The following RP1 variants were observed in gnomAD, a reference collection of about 807,000 sequenced individuals.
RP1 encodes oxygen-regulated protein 1.
In RP1, 16 loss-of-function variants were observed where a neutral mutation model predicts 14.8. That is an observed-to-expected ratio of 1.08 (90% CI 0.73 to 1.65). The LOEUF is 1.65. Among genes scored for constraint, RP1 ranks in the 40% most tolerant of loss-of-function variants. The pLI is 0.00. For synonymous variants in RP1, 876 were observed against 883.6 expected, an observed-to-expected ratio of 0.99 and a Z score of 0.15; for missense variants, 2,631 against 2,535.0, an observed-to-expected ratio of 1.04 and a Z score of -0.81.
chr8:54,726,658 A>C (rs905783087), intron 17 of RP1, among the ~76,000 whole-genome samples: 8 of 152,092 alleles, frequency 5.3e-5, no homozygotes, highest in Non-Finnish European at 2.9e-5. Context: ...AAGAATACAT[A>C]TATTTTTAAA....
At chr8:54,612,868 A>G (rs1805628778), upstream of RP1, among the ~76,000 whole-genome samples, 1 of 152,130 alleles carries the variant, frequency 6.6e-6, no homozygotes. Context: ...TCCCCTGACT[A>G]CTTTTAGATT....
intron 7 of RP1, among the ~76,000 whole-genome samples, chr8:54,664,948 C>T (rs1178335627): frequency 6.6e-6 from 1 of 152,044 alleles, no homozygotes; most frequent in African/African-American, 2.4e-5. Context: ...ACACAATATA[C>T]CCGGTTAACA....
rs976078408 is a variant in RP1 at position 54,663,819 on chromosome 8, C to T, written c.1292C>T (p.Ser431Leu). 2.7e-5 allele frequency: 41 copies of T among 1,527,962 alleles called. 1 individual carries two copies. Among genetic ancestry groups the T allele is most frequent in the Middle Eastern group, 1.7e-4 (1 of 5,974 alleles). The allele number at this position is 1,527,962 out of a possible 1,614,324, so 94.7% of individuals were successfully genotyped here. The change falls in exon 7 of 23, where the codon TCG (serine) becomes TTG (leucine). Residue 431 changes from serine (S) to leucine (L), a missense_variant. Transcript: ENST00000636932. ...ACAGGATCCAGACAACTATTTAGATCGAAGAGCTCCTTCAATTTTTTAAGA... is the reference window on the plus strand; with the variant it reads ...ACAGGATCCAGACAACTATTTAGATTGAAGAGCTCCTTCAATTTTTTAAGA...
At chr8:54,778,966 C>G (rs1463670240) in intron 23 of RP1, among the ~76,000 whole-genome samples, 1 of 152,142 alleles carries the variant, frequency 6.6e-6, no homozygotes, top group South Asian at 2.1e-4. Flanking sequence ...TCCGACCTCT[C>G]CTCACCACCT....
intron 12 of RP1, among the ~76,000 whole-genome samples, chr8:54,688,483 T>A (rs1456439343): frequency 1.3e-5 from 2 of 152,170 alleles, no homozygotes; most frequent in Admixed American, 6.6e-5. Flanking sequence ...TCGAATTAAT[T>A]TTTGTATAAG....
At chr8:54,686,464 A>G (rs1367816074) in intron 12 of RP1, among the ~76,000 whole-genome samples, 2 of 151,142 alleles carry the variant, frequency 1.3e-5, no homozygotes, top group East Asian at 1.9e-4. Flanking sequence ...TTTTTTCCAT[A>G]CTTAGAGAGT....
intron 19 of RP1, among the ~76,000 whole-genome samples, chr8:54,749,613 C>G (rs772161879): frequency 2.6e-5 from 4 of 152,036 alleles, no homozygotes; most frequent in Non-Finnish European, 5.9e-5. Context: ...AAAGATAAAG[C>G]CTTCAAGAGG....
chr8:54,637,158 C>T (rs932913561), intron 3 of RP1, among the ~76,000 whole-genome samples: 17 of 152,166 alleles, frequency 1.1e-4, no homozygotes, highest in Admixed American at 5.2e-4. Context: ...AACTTGTGGA[C>T]CTCATCTGGA....
At position 54,865,908 on chromosome 8, in the gene RP1, ATGCAACAGGTATGCTCTTAATGCATTATT is replaced by A; in HGVS notation, c.4144_4151+21del. The stretch of plus-strand genomic sequence containing the variant: ...ACAGCAGTGAAGAGGTGCTGTTTCT[ATGCAACAGGTATGCTCTTAATGCATTATT>A]ATGCAAAATTATGCTCTCTTTGTCC... On this transcript the variant is annotated splice_donor_variant and splice_donor_5th_base_variant and coding_sequence_variant and intron_variant, in exon 28 of 29. Coordinates refer to the RP1 transcript ENST00000637698. LOFTEE classifies it high-confidence loss of function. 1 of 1,221,884 alleles carries A rather than the reference ATGCAACAGGTATGCTCTTAATGCATTATT, an allele frequency of 8.2e-7. No homozygotes were observed. The allele number at this position is 1,221,884 out of a possible 1,614,324, so 75.7% of individuals were successfully genotyped here. A position where few individuals can be genotyped will look rare whatever the true frequency, so the allele number is the denominator to read the frequency against.
chr8:54,572,533 C>CCTT (rs1262731717), intron 1 of RP1, among the ~76,000 whole-genome samples: 3 of 152,220 alleles, frequency 2.0e-5, no homozygotes, highest in Non-Finnish European at 4.4e-5. Flanking sequence ...TCGACTGGAA[C>CCTT]CTTCCTTGGA....
intron 25 of RP1, among the ~76,000 whole-genome samples, chr8:54,850,921 A>T (rs1408996823): frequency 6.6e-6 from 1 of 152,160 alleles, no homozygotes. Flanking sequence ...TCATCTCCCA[A>T]TTTAAACTAT....
chr8:54,691,906 A>G (rs1436955150), intron 12 of RP1, among the ~76,000 whole-genome samples: 1 of 151,834 alleles, frequency 6.6e-6, no homozygotes, highest in Non-Finnish European at 1.5e-5. Flanking sequence ...ATGTTCGTGT[A>G]CAGCACCCAT....
At chr8:54,803,603 G>T (rs1810767316) in intron 24 of RP1, among the ~76,000 whole-genome samples, 2 of 152,114 alleles carry the variant, frequency 1.3e-5, no homozygotes, top group Non-Finnish European at 2.9e-5. Flanking sequence ...ATAAATGAGT[G>T]AGGTATATCT....
intron 19 of RP1, among the ~76,000 whole-genome samples, chr8:54,751,995 G>A (rs542548813): frequency 6.6e-6 from 1 of 152,260 alleles, no homozygotes; most frequent in African/African-American, 2.4e-5. Context: ...GAAACCAGAG[G>A]CTTCTTGCCA....
exon 26 of RP1, chr8:54,852,665 T>A (rs1812082988): frequency 1.6e-6 from 2 of 1,231,772 alleles, no homozygotes; most frequent in Non-Finnish European, 2.0e-6. Flanking sequence ...GTACCAGAGG[T>A]GATTCAGGAA....
intron 12 of RP1, among the ~76,000 whole-genome samples, chr8:54,686,423 T>C (rs1293452362): frequency 6.6e-6 from 1 of 151,876 alleles, no homozygotes; most frequent in Non-Finnish European, 1.5e-5. Flanking sequence ...CCAATATTTC[T>C]ATTTAGTTAT....
At chr8:54,600,526 G>A (rs570624128) in intron 1 of RP1, among the ~76,000 whole-genome samples, 2 of 152,234 alleles carry the variant, frequency 1.3e-5, no homozygotes, top group East Asian at 3.9e-4. Context: ...CTTCTGATAC[G>A]AATAAGAGGG....
chr8:54,585,422 C>T (rs1432469509), intron 1 of RP1, among the ~76,000 whole-genome samples: 2 of 152,118 alleles, frequency 1.3e-5, no homozygotes, highest in Non-Finnish European at 2.9e-5. Flanking sequence ...CTCTGGCTGC[C>T]CTTAACATTT....
At chr8:54,800,197 G>A (rs1046213766) in intron 24 of RP1, among the ~76,000 whole-genome samples, 3 of 152,026 alleles carry the variant, frequency 2.0e-5, no homozygotes, top group Middle Eastern at 3.2e-3. Context: ...TCCAAAAAGA[G>A]TGCTGATGTA....
Sources: allele counts gnomAD v4.1 joint callset (sites outside exome capture counted in the v4.1 genomes callset), GRCh38; gene constraint gnomAD v4.1.1; transcripts MANE v1.5; gene names NCBI Gene and HGNC (gene_info 2026-07-23, HGNC 2026-07-21).